Variants in CA1 observed in about 807,000 individuals in gnomAD.
CA1 encodes carbonate dehydratase I.
A neutral mutation model predicts 28.8 loss-of-function variants in CA1; 27 were observed. That is an observed-to-expected ratio of 0.94 (90% CI 0.69 to 1.29). The LOEUF (loss-of-function observed/expected upper bound fraction) is 1.29. Among genes scored for constraint, CA1 ranks in the 50% most tolerant of loss-of-function variants. The pLI, the probability that CA1 is intolerant of heterozygous loss-of-function variation, is 0.00. For missense variants in CA1, 335 were observed against 310.5 expected (o/e 1.08, Z -0.59); for synonymous variants, 121 against 108.8 (o/e 1.11, Z -0.70).
At chr8:85,346,272 T>G (rs764855838) in intron 1 of CA1, among the ~76,000 whole-genome samples, 1 of 152,208 alleles carries the variant, frequency 6.6e-6, no homozygotes. Flanking sequence ...AGGAATCTCT[T>G]CTACTGCATG....
At chr8:85,370,943 A>G (rs1475414475) in intron 1 of CA1, among the ~76,000 whole-genome samples, 1 of 152,170 alleles carries the variant, frequency 6.6e-6, no homozygotes, top group Non-Finnish European at 1.5e-5. Flanking sequence ...TAGGAATTTT[A>G]AATTTGATGT....
At chr8:85,356,718 C>T (rs375249020) in intron 1 of CA1, among the ~76,000 whole-genome samples, 9 of 151,904 alleles carry the variant, frequency 5.9e-5, no homozygotes, top group Non-Finnish European at 1.2e-4. Context: ...AGAGATAACT[C>T]GAGACTTCTG....
At chr8:85,369,095 T>A (rs1810123449) in intron 1 of CA1, among the ~76,000 whole-genome samples, 2 of 152,122 alleles carry the variant, frequency 1.3e-5, no homozygotes, top group South Asian at 4.1e-4. Flanking sequence ...GATCTCTGGG[T>A]TCTTCCCTCT....
rs907202774 is a variant in CA1 at position 85,352,464 on chromosome 8, C to T, written c.-24-10805G>A. Among the ~76,000 whole-genome samples the T allele has an allele frequency of 3.9e-5, 6 of 152,272 alleles. No individual in the cohort carries two copies. In the South Asian group the frequency reaches 8.3e-4, roughly 21 times the overall value. ...GTTAGCTTGAATGTCCAACCAATAC[C>T]GGTATGCCTGCTTTCCATTCTGTCC... On this transcript the variant is annotated intron_variant, in intron 1 of 7. Transcript: ENST00000523022.
At chr8:85,343,701 C>T (rs190054282) in intron 1 of CA1, among the ~76,000 whole-genome samples, 19 of 152,250 alleles carry the variant, frequency 1.2e-4, no homozygotes, top group Non-Finnish European at 2.1e-4. Flanking sequence ...AATGCTTTAA[C>T]ATCCATATGG....
At chr8:85,357,080 A>G in intron 1 of CA1, among the ~76,000 whole-genome samples, 1 of 152,210 alleles carries the variant, frequency 6.6e-6, no homozygotes, top group East Asian at 1.9e-4. Context: ...TTTTTGGAGC[A>G]AATGTATGAA....
chr8:85,377,296 G>A (rs895433969), intron 1 of CA1, among the ~76,000 whole-genome samples: 4 of 152,056 alleles, frequency 2.6e-5, no homozygotes, highest in African/African-American at 9.7e-5. Flanking sequence ...TTAATTATTA[G>A]AGCCCCCTCC....
chr8:85,336,520 C>T (rs971938963), intron 4 of CA1, among the ~76,000 whole-genome samples: 6 of 152,102 alleles, frequency 3.9e-5, no homozygotes, highest in Non-Finnish European at 8.8e-5. Flanking sequence ...TGGTTAAATT[C>T]GAGCTCTTAG....
intron 5 of CA1, 73 bp downstream of exon 5, chr8:85,333,452 C>T: frequency 1.1e-6 from 1 of 919,282 alleles, no homozygotes; most frequent in Non-Finnish European, 1.8e-6. Context: ...TATATGTTGC[C>T]TTATTTCCTT....
intron 1 of CA1, among the ~76,000 whole-genome samples, chr8:85,350,608 A>G (rs1299344208): frequency 3.9e-5 from 6 of 152,090 alleles, no homozygotes; most frequent in Non-Finnish European, 5.9e-5. Context: ...AAATGAGGGG[A>G]TGACATGTTG....
intron 4 of CA1, among the ~76,000 whole-genome samples, chr8:85,335,241 C>A (rs1162763337): frequency 6.6e-6 from 1 of 152,032 alleles, no homozygotes; most frequent in Non-Finnish European, 1.5e-5. Flanking sequence ...TATTTAATCA[C>A]AATAATTTAT....
Position 85,360,926 on chromosome 8 carries a change from C to T in CA1, c.-25+17120G>A, listed in dbSNP as rs116017441. On this transcript the variant is annotated intron_variant, in intron 1 of 7. Transcript: ENST00000523022. The stretch of plus-strand genomic sequence containing the variant: ...CTTGTGCACCACCATCTGCCATCAC[C>T]ATTTCTCTCTTGCAGAACCACCAGG... 4.5e-3 allele frequency among the ~76,000 whole-genome samples: 684 copies of T among 152,274 alleles called. 7 individuals carry two copies. Among genetic ancestry groups the T allele is most frequent in the African/African-American group, 0.015 (641 of 41,566 alleles).
chr8:85,352,693 G>A (rs1404705117), intron 1 of CA1, among the ~76,000 whole-genome samples: 3 of 141,360 alleles, frequency 2.1e-5, no homozygotes, highest in African/African-American at 5.4e-5. Context: ...TTGAGACATA[G>A]TCTCACTCTG....
chr8:85,353,046 A>C (rs1334330376), intron 1 of CA1, among the ~76,000 whole-genome samples: 1 of 152,172 alleles, frequency 6.6e-6, no homozygotes, highest in Non-Finnish European at 1.5e-5. Flanking sequence ...CCCAGAGGGG[A>C]GAGTACAGGC....
chr8:85,346,202 CT>C (rs1167306927), intron 1 of CA1, among the ~76,000 whole-genome samples: 1 of 152,116 alleles, frequency 6.6e-6, no homozygotes, highest in East Asian at 1.9e-4. Flanking sequence ...ATTGAAATTA[CT>C]GGCTAGAAAG....
intron 1 of CA1, among the ~76,000 whole-genome samples, chr8:85,351,064 C>A (rs1809392638): frequency 6.6e-6 from 1 of 152,188 alleles, no homozygotes; most frequent in African/African-American, 2.4e-5. Context: ...ACAGCTGTTG[C>A]TACACTTTTT....
chr8:85,372,385 C>T (rs374717016), intron 1 of CA1, among the ~76,000 whole-genome samples: 2 of 152,276 alleles, frequency 1.3e-5, no homozygotes, highest in African/African-American at 4.8e-5. Context: ...ATGTAAAGAG[C>T]TGTCACCATT....
chr8:85,328,816 C>A, intron 7 of CA1, 140 bp from the exon 8 acceptor site: 1 of 476,312 alleles, frequency 2.1e-6, no homozygotes. Context: ...GAGAGAAAGC[C>A]CCAAATCCTT....
chr8:85,375,358 G>A (rs1034776403), intron 1 of CA1, among the ~76,000 whole-genome samples: 6 of 152,172 alleles, frequency 3.9e-5, no homozygotes, highest in African/African-American at 1.4e-4. Flanking sequence ...ATGCTGGCCT[G>A]TCCTGGCATT....
Sources: allele counts gnomAD v4.1 joint callset (sites outside exome capture counted in the v4.1 genomes callset), GRCh38; gene constraint gnomAD v4.1.1; transcripts MANE v1.5; gene names NCBI Gene and HGNC (gene_info 2026-07-23, HGNC 2026-07-21).